The following HSD17B2 variants were observed in gnomAD, a reference collection of about 807,000 sequenced individuals.
HSD17B2 encodes the protein 17-beta-hydroxysteroid dehydrogenase type 2.
Under a neutral mutation model 26.9 loss-of-function variants are expected in HSD17B2, and 32 were observed. That is an observed-to-expected ratio of 1.19 (90% CI 0.90 to 1.60). The LOEUF is 1.60. HSD17B2 is among the 40% of genes most tolerant of loss of function. The probability of loss-of-function intolerance (pLI) is 0.00; values close to 1 mark genes in which losing one functional copy is unlikely to be tolerated. For missense variants in HSD17B2, 613 were observed against 468.6 expected (o/e 1.31, Z -2.85); for synonymous variants, 246 against 186.7 (o/e 1.32, Z -2.59).
intron 1 of HSD17B2, among the ~76,000 whole-genome samples, chr16:82,041,282 G>C (rs888246145): frequency 1.1e-4 from 16 of 152,168 alleles, no homozygotes; most frequent in Non-Finnish European, 2.1e-4. Context: ...CCAACCATGT[G>C]GGTGAAACGT....
intron 4 of HSD17B2, chr16:82,095,874 T>A (rs1057096504): frequency 6.6e-6 from 1 of 152,200 alleles, no homozygotes; most frequent in African/African-American, 2.4e-5. Flanking sequence ...TTAAACCAAA[T>A]TCTTCTATGT....
intron 3 of HSD17B2, among the ~76,000 whole-genome samples, chr16:82,084,175 G>A (rs540701083): frequency 1.3e-5 from 2 of 152,136 alleles, no homozygotes; most frequent in African/African-American, 2.4e-5. Flanking sequence ...ATCTTCAAAT[G>A]AGGGTCATGT....
intron 3 of HSD17B2, among the ~76,000 whole-genome samples, chr16:82,084,640 T>G (rs1256613022): frequency 1.3e-5 from 2 of 152,180 alleles, no homozygotes. Context: ...ATTGTTCTGT[T>G]TGAGGCCCAA....
intron 3 of HSD17B2, among the ~76,000 whole-genome samples, chr16:82,081,616 T>G (rs1349175206): frequency 6.6e-6 from 1 of 152,154 alleles, no homozygotes; most frequent in African/African-American, 2.4e-5. Flanking sequence ...TATGACCACA[T>G]AGGAGCGTTC....
At chr16:82,073,813 A>T (rs1276349895) in intron 3 of HSD17B2, among the ~76,000 whole-genome samples, 1 of 152,238 alleles carries the variant, frequency 6.6e-6, no homozygotes, top group Non-Finnish European at 1.5e-5. Flanking sequence ...TTCCTATTAA[A>T]CTACCATTGA....
At chr16:82,076,732 G>C (rs1314714149) in intron 3 of HSD17B2, among the ~76,000 whole-genome samples, 1 of 152,100 alleles carries the variant, frequency 6.6e-6, no homozygotes, top group Non-Finnish European at 1.5e-5. Context: ...GCGCCACCAT[G>C]CCCAGCTATT....
intron 1 of HSD17B2, among the ~76,000 whole-genome samples, chr16:82,065,298 C>T (rs555715312): frequency 3.3e-5 from 5 of 152,176 alleles, no homozygotes; most frequent in Non-Finnish European, 7.4e-5. Flanking sequence ...TGACCCCTTT[C>T]CCCCTCTCTT....
intron 1 of HSD17B2, among the ~76,000 whole-genome samples, chr16:82,062,790 C>T (rs1198673886): frequency 6.6e-6 from 1 of 152,228 alleles, no homozygotes; most frequent in Non-Finnish European, 1.5e-5. Flanking sequence ...ACACTTCCAA[C>T]TTCTCACGAA....
At chr16:82,081,985 T>C (rs537398263) in intron 3 of HSD17B2, among the ~76,000 whole-genome samples, 1 of 152,266 alleles carries the variant, frequency 6.6e-6, no homozygotes, top group East Asian at 1.9e-4. Flanking sequence ...CTCAGCAACC[T>C]AACGCAGGAA....
chr16:82,090,940 T>C lies in HSD17B2; in HGVS notation c.703T>C (p.Ser235Pro), dbSNP rs1301420124. The change falls in exon 4 of 5, where the codon TCA becomes CCA. Residue 235 changes from serine (S) to proline (P), a missense_variant. Transcript: ENST00000199936. The part of the protein sequence containing the change: ...PMERLASYGS[S>P]KAAVTMFSSV... ...GGAAAGGCTGGCATCTTATGGCTCA[T>C]CAAAGGCGGCTGTGACCATGTTCTC... is the stretch of plus-strand genomic sequence containing the variant. 3.7e-6 allele frequency: 6 copies of C among 1,614,032 alleles called. No homozygotes were observed. The highest frequency in any genetic ancestry group is 5.1e-6 in the Non-Finnish European group (6 of 1,179,922).
At position 82,068,244 on chromosome 16, in the gene HSD17B2, T is replaced by A; in HGVS notation, c.340T>A (p.Leu114Met). The change falls in exon 2 of 5, where the codon TTG becomes ATG. Residue 114 changes from leucine (L) to methionine (M), a missense_variant. Coordinates refer to ENST00000199936, the MANE Select transcript of HSD17B2 (RefSeq NM_002153.3). The stretch of plus-strand genomic sequence containing the variant: ...GGGCTTCACGGTATTTGCCGGAGTT[T>A]TGAATGAAAATGGCCCAGGAGCTGA... ...ELGFTVFAGV[L>M]NENGPGAEEL... 6.2e-7 allele frequency: 1 copy of A among 1,614,052 alleles called. No individual in the cohort carries two copies. The highest frequency in any genetic ancestry group is 8.5e-7 in the Non-Finnish European group (1 of 1,180,022).
intron 1 of HSD17B2, among the ~76,000 whole-genome samples, chr16:82,053,601 T>C (rs1308366150): frequency 2.0e-5 from 3 of 152,190 alleles, no homozygotes; most frequent in Non-Finnish European, 4.4e-5. Flanking sequence ...CCAAGAACTG[T>C]GTCCATCTTG....
chr16:82,066,212 G>A (rs956518751), intron 1 of HSD17B2, among the ~76,000 whole-genome samples: 2 of 152,158 alleles, frequency 1.3e-5, no homozygotes, highest in Non-Finnish European at 2.9e-5. Flanking sequence ...TCCTCCTCTG[G>A]CCAGCCCCAG....
chr16:82,065,135 C>G (rs141712222), intron 1 of HSD17B2, among the ~76,000 whole-genome samples: 1 of 152,160 alleles, frequency 6.6e-6, no homozygotes, highest in African/African-American at 2.4e-5. Flanking sequence ...TTGAACACAT[C>G]AAAGTGTTTG....
intron 1 of HSD17B2, chr16:82,063,077 G>A (rs757724781): frequency 3.3e-5 from 5 of 152,214 alleles, no homozygotes; most frequent in Non-Finnish European, 7.3e-5. Context: ...AGGAGGGGGT[G>A]TTATGATAAT....
chr16:82,035,491 G>C lies in HSD17B2; in HGVS notation c.67G>C (p.Val23Leu), dbSNP rs1913599978. ...LAVPTVLCGT[V>L]FCKYKKSSGQ... ...TGTCCCCACAGTACTATGTGGGACA[G>C]TATTTTGCAAATACAAGAAGAGCTC... is the stretch of plus-strand genomic sequence containing the variant. Residue 23 changes from valine (V) to leucine (L), a missense_variant, in exon 1 of 5, where the codon GTA (valine) becomes CTA (leucine). Transcript: ENST00000199936. 5 of 1,614,112 alleles carry C rather than the reference G, an allele frequency of 3.1e-6. No individual in the cohort carries two copies. Among genetic ancestry groups the C allele is most frequent in the Non-Finnish European group, 4.2e-6 (5 of 1,180,034 alleles).
intron 1 of HSD17B2, among the ~76,000 whole-genome samples, chr16:82,061,864 C>T (rs780059353): frequency 6.6e-6 from 1 of 152,268 alleles, no homozygotes; most frequent in Middle Eastern, 3.4e-3. Flanking sequence ...CCCCATCTTC[C>T]TTCTTTCTGA....
chr16:82,042,341 G>A (rs568618128), intron 1 of HSD17B2, among the ~76,000 whole-genome samples: 2 of 151,836 alleles, frequency 1.3e-5, no homozygotes, highest in Admixed American at 1.3e-4. Flanking sequence ...GAGCCACCAC[G>A]CCCAGCCTCC....
At chr16:82,061,229 G>A (rs1567583974) in intron 1 of HSD17B2, among the ~76,000 whole-genome samples, 1 of 151,314 alleles carries the variant, frequency 6.6e-6, no homozygotes, top group Non-Finnish European at 1.5e-5. Flanking sequence ...CTGCACTCAA[G>A]CCTGGGTGAC....
Sources: gnomAD v4.1 joint callset for allele counts (sites outside exome capture counted in the v4.1 genomes callset) on GRCh38, gnomAD v4.1.1 for gene constraint, MANE v1.5 for transcripts, NCBI Gene and HGNC (gene_info 2026-07-23, HGNC 2026-07-21) for gene names.